MCF2L2: variants seen among roughly 807,000 people sequenced by gnomAD.
MCF2L2 encodes MCF.2 cell line derived transforming sequence-like 2.
MCF2L2 carries 102 observed loss-of-function variants against 150.2 expected under a neutral mutation model. The ratio of observed to expected loss-of-function variants is 0.68; its 90% confidence interval spans 0.58 to 0.80. MCF2L2 has a LOEUF of 0.80. Ranked by LOEUF, MCF2L2 falls within the 30% of genes least tolerant of loss-of-function variation. The pLI, the probability that MCF2L2 is intolerant of heterozygous loss-of-function variation, is 0.00. For missense variants in MCF2L2, 1,256 were observed against 1,372.8 expected, an observed-to-expected ratio of 0.91 and a Z score of 1.34; for synonymous variants, 465 against 491.3, an observed-to-expected ratio of 0.95 and a Z score of 0.71.
At chr3:183,368,571 C>T (rs748965771) in intron 3 of MCF2L2, among the ~76,000 whole-genome samples, 1 of 152,120 alleles carries the variant, frequency 6.6e-6, no homozygotes, top group Non-Finnish European at 1.5e-5. Flanking sequence ...CGAGACCAGC[C>T]TGGCCAACAT....
At chr3:183,328,613 T>C (rs936877015) in intron 5 of MCF2L2, among the ~76,000 whole-genome samples, 1 of 151,998 alleles carries the variant, frequency 6.6e-6, no homozygotes, top group African/African-American at 2.4e-5. Flanking sequence ...GAGAAATATT[T>C]GGGTTAGGCA....
At chr3:183,247,862 G>GT (rs1724327345) in intron 15 of MCF2L2, among the ~76,000 whole-genome samples, 1 of 152,114 alleles carries the variant, frequency 6.6e-6, no homozygotes, top group Non-Finnish European at 1.5e-5. Context: ...TGTGGACTTT[G>GT]TTATCTGCAA....
At chr3:183,369,821 G>A (rs1200174540) in intron 3 of MCF2L2, among the ~76,000 whole-genome samples, 1 of 152,152 alleles carries the variant, frequency 6.6e-6, no homozygotes, top group East Asian at 1.9e-4. Context: ...TCATAGTCTT[G>A]GAAAACTTTC....
chr3:183,294,565 G>GTT (rs1319607907), intron 13 of MCF2L2, among the ~76,000 whole-genome samples: 1 of 147,872 alleles, frequency 6.8e-6, no homozygotes, highest in Non-Finnish European at 1.5e-5. Flanking sequence ...GTGTGTGTGT[G>GTT]TGTGTATATA....
rs1251098869 is a variant in MCF2L2, at chr3:183,223,367, T to C, written c.2280A>G (p.Ile760Met). 4 of 1,614,072 alleles carry C rather than the reference T, an allele frequency of 2.5e-6. No individual in the cohort carries two copies. Among genetic ancestry groups the C allele is most frequent in the Non-Finnish European group, 3.4e-6 (4 of 1,179,892 alleles). ...TTACCTTCAACAGCATCTGGTATTT[T>C]ATAAGTCTCTGGCTTGGTCCTTTGA... ...KYLKGPSQRL[I>M]KYQMLLKGLL... Residue 760 changes from isoleucine (I) to methionine (M), a missense_variant, in exon 20 of 30, where the codon ATA becomes ATG. Physicochemically the swap from Ile to Met is conservative, Grantham distance 10. Transcript: ENST00000328913.
chr3:183,337,240 G>A (rs1730519153), intron 5 of MCF2L2, among the ~76,000 whole-genome samples: 2 of 152,090 alleles, frequency 1.3e-5, no homozygotes, highest in Admixed American at 1.3e-4. Flanking sequence ...CTTCTGGTTG[G>A]GTCATAGGTT....
At chr3:183,417,046 AG>A (rs1449681559) in intron 1 of MCF2L2, among the ~76,000 whole-genome samples, 4 of 144,606 alleles carry the variant, frequency 2.8e-5, no homozygotes, top group Non-Finnish European at 6.0e-5. Context: ...AGGGAGTCAA[AG>A]GTTGCAGTGA....
At chr3:183,360,829 T>A (rs908260052) in intron 3 of MCF2L2, among the ~76,000 whole-genome samples, 1 of 151,166 alleles carries the variant, frequency 6.6e-6, no homozygotes, top group Non-Finnish European at 1.5e-5. Flanking sequence ...ATTAGCCGAG[T>A]GTGGTGGCGC....
intron 3 of MCF2L2, among the ~76,000 whole-genome samples, chr3:183,370,658 A>AT (rs1262901360): frequency 6.6e-6 from 1 of 151,924 alleles, no homozygotes; most frequent in Non-Finnish European, 1.5e-5. Context: ...TCATACACAT[A>AT]TGAGGTCATT....
intron 1 of MCF2L2, among the ~76,000 whole-genome samples, chr3:183,405,166 A>G (rs1213233329): frequency 2.6e-5 from 4 of 152,190 alleles, no homozygotes; most frequent in Admixed American, 2.6e-4. Flanking sequence ...AATCTTAACT[A>G]TGTAAAAATG....
chr3:183,280,019 T>A (rs1048505345), intron 14 of MCF2L2, among the ~76,000 whole-genome samples: 32 of 150,160 alleles, frequency 2.1e-4, no homozygotes, highest in Non-Finnish European at 5.9e-5. Context: ...AGAGCAAGAT[T>A]CCGTCTCCAA....
At position 183,267,719 on chromosome 3, in the gene MCF2L2, G is replaced by A. The variant is rs988845865; in HGVS notation, c.1862+9153C>T. ...AGTGTTTTACCTGTGGTAAGCACGG[G>A]GGACAGAATTCTTGAGGAAGGAGGG... On this transcript the variant is annotated intron_variant, in intron 15 of 29. Transcript: ENST00000328913. This position sits in a 1 kb window ranked among gnomAD's most constrained non-coding sequence, Gnocchi z 5.5. Among the ~76,000 whole-genome samples the A allele has an allele frequency of 1.3e-5, 2 of 152,218 alleles. No individual in the cohort carries two copies. Among genetic ancestry groups the A allele is most frequent in the Non-Finnish European group, 2.9e-5 (2 of 68,030 alleles).
At chr3:183,180,621 A>T (rs1411812716) in intron 27 of MCF2L2, among the ~76,000 whole-genome samples, 6 of 152,170 alleles carry the variant, frequency 3.9e-5, no homozygotes, top group African/African-American at 1.4e-4. Context: ...AAGTGCATCC[A>T]TCCTGCCTCT....
intron 5 of MCF2L2, among the ~76,000 whole-genome samples, chr3:183,324,027 T>C (rs1729925896): frequency 6.6e-6 from 1 of 152,176 alleles, no homozygotes; most frequent in Non-Finnish European, 1.5e-5. Context: ...TCAAGTGTTG[T>C]GCAATGGCCT....
At chr3:183,276,809 G>T in intron 15 of MCF2L2, 63 bp downstream of exon 15, 1 of 1,132,746 alleles carries the variant, frequency 8.8e-7, no homozygotes, top group Non-Finnish European at 1.3e-6. Context: ...GTAAAAGAGA[G>T]GATCCTCGCC....
intron 15 of MCF2L2, among the ~76,000 whole-genome samples, chr3:183,238,964 T>C (rs1723874722): frequency 8.0e-6 from 1 of 124,744 alleles, no homozygotes; most frequent in Non-Finnish European, 1.6e-5. Flanking sequence ...ACCACTGCAC[T>C]CCAGTCTGGG....
chr3:183,186,681 C>T (rs563960399), intron 27 of MCF2L2, among the ~76,000 whole-genome samples: 2 of 152,294 alleles, frequency 1.3e-5, no homozygotes, highest in Middle Eastern at 6.8e-3. Flanking sequence ...GAGCCAAGTT[C>T]GTGCCATTGC....
At chr3:183,395,405 A>G (rs1420944343) in intron 1 of MCF2L2, among the ~76,000 whole-genome samples, 1 of 152,230 alleles carries the variant, frequency 6.6e-6, no homozygotes, top group Non-Finnish European at 1.5e-5. Flanking sequence ...GGTGTATGAG[A>G]AAAGAATATA....
At chr3:183,375,762 C>T (rs1328557533) in intron 3 of MCF2L2, 1 of 152,222 alleles carries the variant, frequency 6.6e-6, no homozygotes, top group African/African-American at 2.4e-5. Context: ...TTTTATCCAT[C>T]CACGAGCCCT....
Sources: gnomAD v4.1 joint callset for allele counts (sites outside exome capture counted in the v4.1 genomes callset) on GRCh38, gnomAD v4.1.1 for gene constraint, Gnocchi (gnomAD v3.1) non-coding constraint, MANE v1.5 for transcripts, NCBI Gene and HGNC (gene_info 2026-07-23, HGNC 2026-07-21) for gene names.